CDH6: variants seen among roughly 807,000 people sequenced by gnomAD.
The protein encoded by CDH6 is cadherin-6.
Under a neutral mutation model 78.0 loss-of-function variants are expected in CDH6, and 31 were observed. That is an observed-to-expected ratio of 0.40 (90% CI 0.30 to 0.54). The LOEUF (loss-of-function observed/expected upper bound fraction) is 0.54. CDH6 is among the 20% of genes least tolerant of loss of function. The pLI is 0.56. For synonymous variants in CDH6, 376 were observed against 368.8 expected, an observed-to-expected ratio of 1.02 and a Z score of -0.23; for missense variants, 724 against 975.9, an observed-to-expected ratio of 0.74 and a Z score of 3.44.
intron 1 of CDH6, among the ~76,000 whole-genome samples, chr5:31,217,799 C>G (rs573867933): frequency 6.6e-6 from 1 of 152,236 alleles, no homozygotes; most frequent in South Asian, 2.1e-4. Flanking sequence ...AGCTCTGCCT[C>G]TATTTAACTA....
intron 1 of CDH6, among the ~76,000 whole-genome samples, chr5:31,259,176 T>C (rs1303555352): frequency 6.6e-6 from 1 of 152,202 alleles, no homozygotes; most frequent in Non-Finnish European, 1.5e-5. Context: ...ATCATGTAAT[T>C]GATAAAAGAC....
At chr5:31,227,451 A>G (rs1054488064) in intron 1 of CDH6, among the ~76,000 whole-genome samples, 1 of 152,220 alleles carries the variant, frequency 6.6e-6, no homozygotes, top group African/African-American at 2.4e-5. Context: ...ATAAACAAGC[A>G]TATACATTTT....
chr5:31,269,418 A>G (rs1159434429), intron 2 of CDH6, among the ~76,000 whole-genome samples: 1 of 152,154 alleles, frequency 6.6e-6, no homozygotes, highest in Non-Finnish European at 1.5e-5. Context: ...AGATCCGAGA[A>G]TGTGTCACAG....
chr5:31,277,732 C>G lies in CDH6; in HGVS notation c.228+10031C>G, dbSNP rs181391442. 5.9e-5 allele frequency among the ~76,000 whole-genome samples: 9 copies of G among 152,282 alleles called. 2 individuals are homozygous for G. Among genetic ancestry groups the G allele is most frequent in the African/African-American group, 2.2e-4 (9 of 41,568 alleles). ...ACCCTAGCCTACATGTCTTACTCAT[C>G]CTTATATACCCAGTAGTGCCTAGCA... On this transcript the variant is annotated intron_variant, in intron 2 of 11. Coordinates refer to ENST00000265071, the MANE Select transcript of CDH6 (RefSeq NM_004932.4).
intron 11 of CDH6, 167 bp downstream of exon 11, chr5:31,318,091 T>C (rs1407289982): frequency 3.7e-6 from 3 of 809,302 alleles, no homozygotes; most frequent in Non-Finnish European, 6.2e-6. Flanking sequence ...CATTTTTGCT[T>C]GCAAATGGCT....
chr5:31,315,256 G>C (rs1738283950), intron 8 of CDH6, among the ~76,000 whole-genome samples: 1 of 152,032 alleles, frequency 6.6e-6, no homozygotes, highest in African/African-American at 2.4e-5. Flanking sequence ...TTTATGGTTT[G>C]TCCATCCCCA....
intron 7 of CDH6, among the ~76,000 whole-genome samples, chr5:31,308,435 A>G (rs1418672283): frequency 3.3e-5 from 5 of 149,276 alleles, no homozygotes; most frequent in Non-Finnish European, 6.0e-5. Context: ...AAGTCCTGAA[A>G]AAAAAAAAAA....
Position 31,323,152 on chromosome 5 carries a change from C to T in CDH6, c.2217C>T (p.Ala739=). The change falls in exon 12 of 12, where the codon GCC becomes GCT. Residue 739 remains alanine (A), a synonymous_variant. Transcript: ENST00000265071. ...APPYDSLATY[A]YEGTGSVADS... is the part of the protein sequence containing the mutation. The stretch of plus-strand genomic sequence containing the variant: ...CATACGACTCCTTGGCCACTTACGC[C>T]TATGAAGGCACTGGCTCCGTGGCGG... 1 of 1,614,186 alleles carries T rather than the reference C, an allele frequency of 6.2e-7. No homozygotes were observed. Among genetic ancestry groups the T allele is most frequent in the Non-Finnish European group, 8.5e-7 (1 of 1,180,036 alleles).
At chr5:31,229,314 C>T (rs1416997481) in intron 1 of CDH6, among the ~76,000 whole-genome samples, 1 of 152,212 alleles carries the variant, frequency 6.6e-6, no homozygotes, top group Admixed American at 6.5e-5. Flanking sequence ...CAGTTCTGGT[C>T]ACCATACTGG....
intron 3 of CDH6, among the ~76,000 whole-genome samples, chr5:31,295,391 A>G (rs1006063391): frequency 1.4e-4 from 22 of 152,270 alleles, no homozygotes; most frequent in African/African-American, 4.8e-4. Context: ...CTTCATCAGC[A>G]CCACTCAGGG....
intron 1 of CDH6, among the ~76,000 whole-genome samples, chr5:31,197,773 C>T (rs962332345): frequency 4.6e-5 from 7 of 152,032 alleles, no homozygotes; most frequent in Admixed American, 2.0e-4. Flanking sequence ...GTTGTTTTCT[C>T]CCTTGGGATT....
Position 31,323,113 on chromosome 5 carries a change from C to T in CDH6, c.2178C>T (p.Asp726=). ...AAAGGTTAAAGGAAAATGACACGGA[C>T]CCCACTGCCCCGCCATACGACTCCT... ...INQRLKENDT[D]PTAPPYDSLA... is the part of the protein sequence containing the mutation. The change falls in exon 12 of 12, where the codon GAC becomes GAT. Residue 726 remains aspartate (D), a synonymous_variant. Coordinates refer to ENST00000265071, the MANE Select transcript of CDH6 (RefSeq NM_004932.4). The T allele has an allele frequency of 6.2e-7, 1 of 1,614,180 alleles. No homozygotes were observed. The highest frequency in any genetic ancestry group is 8.5e-7 in the Non-Finnish European group (1 of 1,180,030).
intron 1 of CDH6, among the ~76,000 whole-genome samples, chr5:31,196,297 G>T (rs1340255592): frequency 6.6e-6 from 1 of 152,094 alleles, no homozygotes; most frequent in African/African-American, 2.4e-5. Context: ...CAGTCACAGG[G>T]TATTATATGA....
At chr5:31,291,858 A>T (rs1437506974) in intron 2 of CDH6, among the ~76,000 whole-genome samples, 1 of 152,122 alleles carries the variant, frequency 6.6e-6, no homozygotes, top group Non-Finnish European at 1.5e-5. Context: ...GATTGCATTT[A>T]TCTCACTTCT....
chr5:31,228,403 A>T (rs1741223856), intron 1 of CDH6, among the ~76,000 whole-genome samples: 1 of 152,204 alleles, frequency 6.6e-6, no homozygotes, highest in Non-Finnish European at 1.5e-5. Flanking sequence ...TCAGGAAGTG[A>T]ATCAGCTGGA....
chr5:31,254,313 A>G (rs1741993269), intron 1 of CDH6, among the ~76,000 whole-genome samples: 2 of 152,324 alleles, frequency 1.3e-5, no homozygotes, highest in South Asian at 2.1e-4. Context: ...CTTTAAGTGA[A>G]AAGGTGAATG....
chr5:31,306,262 C>T (rs1325095948), intron 7 of CDH6, among the ~76,000 whole-genome samples: 1 of 152,152 alleles, frequency 6.6e-6, no homozygotes, highest in Non-Finnish European at 1.5e-5. Flanking sequence ...TCTGTGAAAT[C>T]CTAGGGAAAT....
At chr5:31,310,633 C>T (rs1738121427) in intron 7 of CDH6, among the ~76,000 whole-genome samples, 1 of 152,258 alleles carries the variant, frequency 6.6e-6, no homozygotes, top group Admixed American at 6.5e-5. Flanking sequence ...CCTAAACATT[C>T]AGGCATTTCC....
chr5:31,304,363 G>A (rs1215334266), intron 6 of CDH6, among the ~76,000 whole-genome samples: 2 of 152,030 alleles, frequency 1.3e-5, no homozygotes, highest in African/African-American at 4.8e-5. Context: ...CCAAGACATT[G>A]GCCAGTTTTA....
Sources: allele counts gnomAD v4.1 joint callset (sites outside exome capture counted in the v4.1 genomes callset), GRCh38; gene constraint gnomAD v4.1.1; transcripts MANE v1.5; gene names NCBI Gene and HGNC (gene_info 2026-07-23, HGNC 2026-07-21).